FAM53B: variants seen among roughly 807,000 people sequenced by gnomAD.
The protein encoded by FAM53B is family with sequence similarity 53 member B.
In FAM53B, 12 loss-of-function variants were observed where a neutral mutation model predicts 32.7. The observed-to-expected ratio is 0.37, with a 90% confidence interval of 0.24 to 0.59. The LOEUF is 0.59. FAM53B is among the 20% of genes least tolerant of loss of function. The pLI is 0.72. For synonymous variants in FAM53B, 234 were observed against 228.7 expected, an observed-to-expected ratio of 1.02 and a Z score of -0.21; for missense variants, 477 against 577.7, an observed-to-expected ratio of 0.83 and a Z score of 1.79.
chr10:124,727,334 G>T (rs1222764300), intron 1 of FAM53B, among the ~76,000 whole-genome samples: 15 of 131,430 alleles, frequency 1.1e-4, no homozygotes, highest in African/African-American at 2.6e-4. Context: ...TGATTGTGGG[G>T]GGGGGGGGGG....
intron 2 of FAM53B, among the ~76,000 whole-genome samples, chr10:124,704,619 T>C (rs1258656619): frequency 3.3e-5 from 5 of 151,942 alleles, no homozygotes; most frequent in African/African-American, 1.2e-4. Context: ...CATATTGGAA[T>C]AGGGAGGCCA....
intron 1 of FAM53B, among the ~76,000 whole-genome samples, chr10:124,716,698 C>T (rs1207506261): frequency 1.3e-5 from 2 of 152,134 alleles, no homozygotes; most frequent in African/African-American, 4.8e-5. Flanking sequence ...GTCCTTTTAA[C>T]CCACAAACAC....
intron 4 of FAM53B, among the ~76,000 whole-genome samples, chr10:124,654,483 GC>G (rs1949574659): frequency 6.6e-6 from 1 of 152,112 alleles, no homozygotes; most frequent in African/African-American, 2.4e-5. Flanking sequence ...CTGCAGTCAT[GC>G]GGATGGCAGC....
At chr10:124,659,699 A>G (rs1345004395) in intron 4 of FAM53B, among the ~76,000 whole-genome samples, 1 of 152,216 alleles carries the variant, frequency 6.6e-6, no homozygotes, top group Non-Finnish European at 1.5e-5. Context: ...AAGCTCCATT[A>G]CCACAAGCTC....
chr10:124,677,910 G>A (rs1030295658), intron 4 of FAM53B, among the ~76,000 whole-genome samples: 1 of 152,210 alleles, frequency 6.6e-6, no homozygotes, highest in African/African-American at 2.4e-5. Flanking sequence ...TCTGACAAGG[G>A]GGGGTGAATC....
intron 4 of FAM53B, among the ~76,000 whole-genome samples, chr10:124,647,497 G>A (rs1265622683): frequency 6.6e-6 from 1 of 152,234 alleles, no homozygotes; most frequent in Non-Finnish European, 1.5e-5. Context: ...AAGGAAAGCT[G>A]TCGCCAAGAC....
At chr10:124,691,735 C>T (rs1275868138) in intron 3 of FAM53B, among the ~76,000 whole-genome samples, 1 of 152,226 alleles carries the variant, frequency 6.6e-6, no homozygotes, top group East Asian at 1.9e-4. Context: ...ACTCCACTTG[C>T]CCTGTTTCAC....
chr10:124,691,658 T>A (rs188739272), intron 3 of FAM53B, among the ~76,000 whole-genome samples: 7 of 152,352 alleles, frequency 4.6e-5, no homozygotes, highest in African/African-American at 1.4e-4. Flanking sequence ...TGGTGTCCAT[T>A]GTCCCTGCAA....
At position 124,623,421 on chromosome 10, in the gene FAM53B, C is replaced by G. The variant is rs772308010; in HGVS notation, c.1090G>C (p.Asp364His). The G allele has an allele frequency of 1.9e-6, 3 of 1,607,186 alleles. No individual in the cohort carries two copies. The highest frequency in any genetic ancestry group is 2.5e-6 in the Non-Finnish European group (3 of 1,177,696). ...TCCTCCTGGCAGGCGAGGTGGTCGT[C>G]GAAGGAAGGGGGAAGAGGCTCAGGG... ...PVPEPLPPSFDDHLACQEDLS... is the reference protein window; with the variant it reads ...PVPEPLPPSFHDHLACQEDLS... The change falls in exon 5 of 5, where the codon GAC becomes CAC. Residue 364 changes from aspartate (D) to histidine (H), a missense_variant. Transcript: ENST00000337318.
chr10:124,739,893 A>T (rs1228306620), intron 1 of FAM53B, among the ~76,000 whole-genome samples: 1 of 152,088 alleles, frequency 6.6e-6, no homozygotes, highest in Non-Finnish European at 1.5e-5. Context: ...CGGGTTCCTA[A>T]GGCTGCTTTC....
chr10:124,708,996 G>T (rs557345418), intron 1 of FAM53B, among the ~76,000 whole-genome samples: 241 of 148,576 alleles, frequency 1.6e-3, no homozygotes, highest in African/African-American at 5.7e-3. Context: ...TGCCTCACAA[G>T]GTTACTGTAT....
intron 1 of FAM53B, among the ~76,000 whole-genome samples, chr10:124,743,431 C>T (rs1354218794): frequency 6.6e-6 from 1 of 151,942 alleles, no homozygotes; most frequent in African/African-American, 2.4e-5. Context: ...TTCCCCCGCC[C>T]GGGACAGAAT....
rs141600032 is a variant in FAM53B at position 124,623,277 on chromosome 10, C to T, written c.1234G>A (p.Gly412Ser). 35 of 1,610,260 alleles carry T rather than the reference C, an allele frequency of 2.2e-5. No individual in the cohort carries two copies. The highest frequency in any genetic ancestry group is 2.7e-5 in the Non-Finnish European group (32 of 1,178,724). The change falls in exon 5 of 5, where the codon GGC becomes AGC. Residue 412 changes from glycine (G) to serine (S), a missense_variant. Gly to Ser is a moderately conservative substitution (Grantham distance 56). This residue lies in a region of FAM53B where 165 missense variants were observed against 157.5 expected (regional missense o/e 1.05). Transcript: ENST00000337318. ...TCTATCTGCTCAATGTCCAACTCGC[C>T]GTCCAGGGAGCAGAGGCTGTTCCCA... is the stretch of plus-strand genomic sequence containing the variant. ...APGNSLCSLD[G>S]ELDIEQIEKN
intron 2 of FAM53B, 106 bp downstream of exon 2, chr10:124,706,530 G>A (rs546132162): frequency 2.3e-4 from 329 of 1,408,046 alleles, no homozygotes; most frequent in Non-Finnish European, 3.1e-4. Flanking sequence ...TGCTCTTGGG[G>A]ACTCTGGACT....
At chr10:124,629,971 G>A (rs1949380097) in intron 4 of FAM53B, among the ~76,000 whole-genome samples, 1 of 152,172 alleles carries the variant, frequency 6.6e-6, no homozygotes, top group Non-Finnish European at 1.5e-5. Context: ...AAGGCTGTGG[G>A]CATGGCCAAC....
chr10:124,635,197 A>G (rs11245322), intron 4 of FAM53B, among the ~76,000 whole-genome samples: 52,054 of 151,906 alleles, frequency 0.34, 9,099 homozygotes, highest in Middle Eastern at 0.4. Context: ...GGTTCAAGCA[A>G]TTCTCCTGCC....
intron 3 of FAM53B, among the ~76,000 whole-genome samples, chr10:124,695,226 A>G (rs1949861283): frequency 6.6e-6 from 1 of 152,216 alleles, no homozygotes; most frequent in Non-Finnish European, 1.5e-5. Flanking sequence ...GTGGTTTCTG[A>G]GTCCACGCAG....
Position 124,620,368 on chromosome 10 carries a change from C to G in FAM53B, c.*2874G>C, listed in dbSNP as rs1248898070. The G allele has an allele frequency of 6.7e-6, 1 of 148,534 alleles. No individual in the cohort carries two copies. The highest frequency in any genetic ancestry group is 2.5e-5 in the African/African-American group (1 of 40,132). 9.2% of individuals were successfully genotyped at this position (148,534 alleles called of 1,614,324 possible). ...ATGTGGCACTAAGCCCCCCCCACCG[C>G]CCCGGCTTTCCTGCAGGCTTAGCCC... On this transcript the variant is annotated 3_prime_UTR_variant, in exon 5 of 5. Coordinates refer to ENST00000337318, the MANE Select transcript of FAM53B (RefSeq NM_014661.4).
At chr10:124,738,926 T>C (rs1259084592) in intron 1 of FAM53B, among the ~76,000 whole-genome samples, 2 of 152,054 alleles carry the variant, frequency 1.3e-5, no homozygotes, top group East Asian at 1.9e-4. Context: ...TCACTGGAAA[T>C]GTTTTCTTGT....
Sources: allele counts gnomAD v4.1 joint callset (sites outside exome capture counted in the v4.1 genomes callset), GRCh38; gene constraint gnomAD v4.1.1; regional missense constraint gnomAD v4.1.1; transcripts MANE v1.5; gene names NCBI Gene and HGNC (gene_info 2026-07-23, HGNC 2026-07-21).